WNT3: variants seen among roughly 807,000 people sequenced by gnomAD.
WNT3 encodes proto-oncogene Wnt-3.
In WNT3, 7 loss-of-function variants were observed where a neutral mutation model predicts 34.2. The observed-to-expected ratio is 0.20, with a 90% CI of 0.12 to 0.38. The LOEUF (loss-of-function observed/expected upper bound fraction) is 0.38. WNT3 is among the 10% of genes least tolerant of loss of function. The pLI, the probability that WNT3 is intolerant of heterozygous loss-of-function variation, is 1.00. For missense variants in WNT3, 267 were observed against 499.8 expected, an observed-to-expected ratio of 0.53 and a Z score of 4.44; for synonymous variants, 212 against 211.5, an observed-to-expected ratio of 1.00 and a Z score of -0.02.
chr17:46,790,044 G>T (rs570214281), intron 1 of WNT3, among the ~76,000 whole-genome samples: 5 of 152,204 alleles, frequency 3.3e-5, no homozygotes, highest in African/African-American at 4.8e-5. Context: ...CCCCACCCAA[G>T]TTCAAAGCGC....
At chr17:46,814,925 T>C (rs1002438559) in intron 1 of WNT3, among the ~76,000 whole-genome samples, 1 of 152,164 alleles carries the variant, frequency 6.6e-6, no homozygotes, top group Non-Finnish European at 1.5e-5. Flanking sequence ...AACTCAGGTG[T>C]GCTATTTCCC....
At chr17:46,766,632 G>A (rs2059315735) in intron 4 of WNT3, among the ~76,000 whole-genome samples, 1 of 152,122 alleles carries the variant, frequency 6.6e-6, no homozygotes, top group Non-Finnish European at 1.5e-5. Context: ...GCTACACCGA[G>A]GGGCTTCCTA....
intron 1 of WNT3, among the ~76,000 whole-genome samples, chr17:46,808,669 T>C (rs551845446): frequency 1.6e-4 from 24 of 152,180 alleles, no homozygotes; most frequent in Non-Finnish European, 2.6e-4. Context: ...AACCTGTTCC[T>C]AGATAGAGAA....
At chr17:46,812,425 T>C (rs1380379478) in intron 1 of WNT3, among the ~76,000 whole-genome samples, 4 of 151,902 alleles carry the variant, frequency 2.6e-5, no homozygotes, top group Non-Finnish European at 5.9e-5. Flanking sequence ...CTGAATCATC[T>C]CTCAGCTCCT....
At chr17:46,785,073 G>A (rs1395994532) in intron 1 of WNT3, among the ~76,000 whole-genome samples, 3 of 152,058 alleles carry the variant, frequency 2.0e-5, no homozygotes, top group Non-Finnish European at 2.9e-5. Context: ...CACCGTGCCC[G>A]GCCTCCCCTT....
chr17:46,765,829 A>G (rs2059307487), intron 4 of WNT3, among the ~76,000 whole-genome samples: 2 of 152,234 alleles, frequency 1.3e-5, no homozygotes, highest in African/African-American at 4.8e-5. Context: ...GGACAACCCT[A>G]CACAGAACAC....
At chr17:46,773,616 T>TGGGGGGGGGGGG in intron 2 of WNT3, 52 bp downstream of exon 2, 1 of 997,790 alleles carries the variant, frequency 1.0e-6, no homozygotes, top group Non-Finnish European at 1.5e-6. Context: ...CATACAGTCC[T>TGGGGGGGGGGGG]GATCCCTCCC....
At chr17:46,769,757 G>A (rs763611035) in intron 3 of WNT3, 26 bp downstream of exon 3, 5 of 1,607,008 alleles carry the variant, frequency 3.1e-6, no homozygotes, top group Middle Eastern at 1.7e-4. Context: ...CTCCCTGAAG[G>A]GTTTGGGGAG....
intron 1 of WNT3, among the ~76,000 whole-genome samples, chr17:46,775,845 C>T (rs142770499): frequency 0.012 from 1,891 of 151,854 alleles, 22 homozygotes; most frequent in Non-Finnish European, 0.02. Context: ...GATCTCCTGA[C>T]CTCGTGATCC....
At chr17:46,794,999 C>T (rs1320769374) in intron 1 of WNT3, among the ~76,000 whole-genome samples, 1 of 152,074 alleles carries the variant, frequency 6.6e-6, no homozygotes, top group Non-Finnish European at 1.5e-5. Context: ...GATCTGCCCG[C>T]CTCGGCCTCC....
chr17:46,790,719 T>G (rs1401285327), intron 1 of WNT3, among the ~76,000 whole-genome samples: 1 of 152,200 alleles, frequency 6.6e-6, no homozygotes, highest in African/African-American at 2.4e-5. Context: ...ATCTCCATGT[T>G]CACGGCCACA....
chr17:46,771,663 C>T lies in WNT3; in HGVS notation c.323-1615G>A, dbSNP rs2059371875. Among the ~76,000 whole-genome samples, 4 of 144,278 alleles carry T rather than the reference C, an allele frequency of 2.8e-5. No individual in the cohort carries two copies. In the South Asian group the frequency reaches 6.3e-4, roughly 23 times the overall value. 94.7% of individuals were successfully genotyped at this position (144,278 alleles called of 152,430 possible). On this transcript the variant is annotated intron_variant, in intron 2 of 4. Coordinates refer to ENST00000225512, the MANE Select transcript of WNT3 (RefSeq NM_030753.5). ...CGCCGGGCCCGGGCCGCCGGGCCGG[C>T]CGCCACCGCGTAGCAACGGGCGGCT...
chr17:46,778,776 GC>G (rs1414366625), intron 1 of WNT3, among the ~76,000 whole-genome samples: 1 of 152,020 alleles, frequency 6.6e-6, no homozygotes, highest in Non-Finnish European at 1.5e-5. Context: ...TGAGCCCTCG[GC>G]TCGAAGCACC....
intron 1 of WNT3, among the ~76,000 whole-genome samples, chr17:46,775,060 C>T (rs983273329): frequency 2.6e-5 from 4 of 152,178 alleles, no homozygotes; most frequent in African/African-American, 9.7e-5. Flanking sequence ...CGGGAGAAGA[C>T]CCCATGGGGC....
chr17:46,769,704 G>A (rs1190707946), intron 3 of WNT3, 79 bp downstream of exon 3: 1 of 1,573,002 alleles, frequency 6.4e-7, no homozygotes, highest in East Asian at 2.3e-5. Flanking sequence ...CGGAAGGGGT[G>A]AGGTGGGGGC....
chr17:46,771,387 C>G (rs1027733852), intron 2 of WNT3, among the ~76,000 whole-genome samples: 1 of 151,648 alleles, frequency 6.6e-6, no homozygotes, highest in Non-Finnish European at 1.5e-5. Flanking sequence ...GGGCCGAGGG[C>G]GGGTTCACAG....
chr17:46,788,472 G>A (rs1197513580), intron 1 of WNT3, among the ~76,000 whole-genome samples: 2 of 152,166 alleles, frequency 1.3e-5, no homozygotes, highest in Non-Finnish European at 2.9e-5. Context: ...ACAAGACATA[G>A]CCTGCCCAGC....
At chr17:46,810,173 ATT>A (rs1264314826) in intron 1 of WNT3, among the ~76,000 whole-genome samples, 1 of 151,460 alleles carries the variant, frequency 6.6e-6, no homozygotes, top group Non-Finnish European at 1.5e-5. Flanking sequence ...CGCCCAGCTA[ATT>A]TTTTGTATTT....
At chr17:46,774,010 C>A in intron 1 of WNT3, 101 bp from the exon 2 acceptor site, 1 of 1,502,642 alleles carries the variant, frequency 6.7e-7, no homozygotes, top group South Asian at 1.2e-5. Flanking sequence ...GGTGGAGAGG[C>A]AGAGGGCCTG....
Sources: allele counts gnomAD v4.1 joint callset (sites outside exome capture counted in the v4.1 genomes callset), GRCh38; gene constraint gnomAD v4.1.1; transcripts MANE v1.5; gene names NCBI Gene and HGNC (gene_info 2026-07-23, HGNC 2026-07-21).